Variants in DCUN1D1 observed in about 807,000 individuals in gnomAD.
DCUN1D1 encodes the protein defective in cullin neddylation 1 domain containing 1, also known as DCN1-like protein 1.
A neutral mutation model predicts 39.0 loss-of-function variants in DCUN1D1; 3 were observed. That is an observed-to-expected ratio of 0.08 (90% CI 0.04 to 0.20). The LOEUF (loss-of-function observed/expected upper bound fraction) is 0.20. DCUN1D1 is among the 10% of genes least tolerant of loss of function. The pLI is 1.00. For synonymous variants in DCUN1D1, 82 were observed against 96.3 expected, an observed-to-expected ratio of 0.85 and a Z score of 0.87; for missense variants, 158 against 302.4, an observed-to-expected ratio of 0.52 and a Z score of 3.54.
chr3:182,985,833 G>A (rs1274149536), exon 1 of DCUN1D1: 2 of 152,190 alleles, frequency 1.3e-5, no homozygotes, highest in East Asian at 3.8e-4. Context: ...GAGCCAGTCT[G>A]TCACCTCAAG....
intron 4 of DCUN1D1, among the ~76,000 whole-genome samples, chr3:182,949,525 G>T (rs1217672864): frequency 6.6e-6 from 1 of 152,152 alleles, no homozygotes; most frequent in East Asian, 1.9e-4. Flanking sequence ...TTCAAGACCA[G>T]CCTGGGCAAC....
chr3:182,955,474 C>T, intron 4 of DCUN1D1: 1 of 535,358 alleles, frequency 1.9e-6, no homozygotes, highest in Non-Finnish European at 3.8e-6. Flanking sequence ...AAGAATCCTC[C>T]ACTGTCTTTT....
intron 4 of DCUN1D1, among the ~76,000 whole-genome samples, chr3:182,948,532 T>C (rs138218542): frequency 7.2e-5 from 11 of 152,272 alleles, no homozygotes; most frequent in Admixed American, 6.5e-4. Context: ...ACTACACTTA[T>C]CACATGACAG....
intron 2 of DCUN1D1, among the ~76,000 whole-genome samples, chr3:182,964,626 A>T (rs1727570779): frequency 6.6e-6 from 1 of 151,300 alleles, no homozygotes; most frequent in African/African-American, 2.4e-5. Flanking sequence ...ATGATTTACT[A>T]ACACCTTTCT....
intron 4 of DCUN1D1, among the ~76,000 whole-genome samples, chr3:182,953,449 TTTAGTCTC>T (rs1243086047): frequency 2.0e-5 from 3 of 152,162 alleles, no homozygotes; most frequent in Non-Finnish European, 4.4e-5. Flanking sequence ...CAGTATGAGT[TTTAGTCTC>T]TTAAACCCCT....
At chr3:182,974,305 A>G (rs1728098368) in intron 1 of DCUN1D1, among the ~76,000 whole-genome samples, 1 of 152,226 alleles carries the variant, frequency 6.6e-6, no homozygotes, top group African/African-American at 2.4e-5. Flanking sequence ...TATGATAAAT[A>G]AAAAATAACC....
Position 182,944,414 on chromosome 3 carries a change from C to T in DCUN1D1, c.*680G>A, listed in dbSNP as rs1231079517. The T allele has an allele frequency of 6.6e-6, 1 of 152,462 alleles. No individual in the cohort carries two copies. The highest frequency in any genetic ancestry group is 1.5e-5 in the Non-Finnish European group (1 of 68,034). The allele number at this position is 152,462 out of a possible 1,614,324, so 9.4% of individuals were successfully genotyped here. ...TGGGTAAGGTAAGCGCAGACTAGTT[C>T]TGTGGAACCTTTTGAAATCAAGAGT... On this transcript the variant is annotated 3_prime_UTR_variant, in exon 7 of 7. Transcript: ENST00000292782.
intron 4 of DCUN1D1, among the ~76,000 whole-genome samples, chr3:182,953,846 G>A (rs1351240794): frequency 2.0e-5 from 3 of 152,062 alleles, no homozygotes; most frequent in East Asian, 1.9e-4. Flanking sequence ...AAGTCCTTAC[G>A]GTAAAATGTA....
At chr3:182,978,964 A>G (rs773856254) in intron 1 of DCUN1D1, among the ~76,000 whole-genome samples, 1 of 152,232 alleles carries the variant, frequency 6.6e-6, no homozygotes, top group Non-Finnish European at 1.5e-5. Flanking sequence ...CATCCTGAAG[A>G]GCACACATTT....
At chr3:182,981,184 GAC>G (rs1034601031), upstream of DCUN1D1, among the ~76,000 whole-genome samples, 29 of 152,216 alleles carry the variant, frequency 1.9e-4, no homozygotes, top group African/African-American at 6.7e-4. Flanking sequence ...TCTACTGGGA[GAC>G]AGTTGGGGTA....
intron 4 of DCUN1D1, among the ~76,000 whole-genome samples, chr3:182,953,043 C>G (rs1156889628): frequency 6.6e-6 from 1 of 152,216 alleles, no homozygotes; most frequent in Admixed American, 6.5e-5. Context: ...TGCAGTTCCT[C>G]AAAGGTGGAA....
chr3:182,943,575 A>T lies in DCUN1D1; in HGVS notation c.*1519T>A, dbSNP rs1029923968. On this transcript the variant is annotated 3_prime_UTR_variant, in exon 7 of 7. Coordinates refer to ENST00000292782, the MANE Select transcript of DCUN1D1 (RefSeq NM_020640.4). ...TAAAATGTACTGCTATTCTAAGTAC[A>T]TTCCTTTGTTAATATCAACCCTAGA... The T allele has an allele frequency of 1.3e-5, 2 of 152,320 alleles. No individual in the cohort carries two copies. The highest frequency in any genetic ancestry group is 4.8e-5 in the African/African-American group (2 of 41,462). The allele number at this position is 152,320 out of a possible 1,614,324, so 9.4% of individuals were successfully genotyped here.
rs1421815328 is a variant in DCUN1D1, at chr3:182,944,115, G to C, written c.*979C>G. The C allele has an allele frequency of 2.6e-5, 4 of 152,354 alleles. No homozygotes were observed. The highest frequency in any genetic ancestry group is 2.6e-4 in the Admixed American group (4 of 15,252). 9.4% of individuals were successfully genotyped at this position (152,354 alleles called of 1,614,324 possible). On this transcript the variant is annotated 3_prime_UTR_variant, in exon 7 of 7. Transcript: ENST00000292782. ...CTGCAACTATCTTCTTATAAATTAAGAGAATTCCATTTGTGTTCCATAGTG... is the reference window on the plus strand; with the variant it reads ...CTGCAACTATCTTCTTATAAATTAACAGAATTCCATTTGTGTTCCATAGTG...
At chr3:182,950,534 T>G (rs1240231899) in intron 4 of DCUN1D1, among the ~76,000 whole-genome samples, 1 of 152,172 alleles carries the variant, frequency 6.6e-6, no homozygotes, top group African/African-American at 2.4e-5. Context: ...TTATTATTAT[T>G]TGAGACACGG....
intron 5 of DCUN1D1, 26 bp downstream of exon 5, chr3:182,947,524 G>A (rs991151584): frequency 3.7e-6 from 5 of 1,351,940 alleles, no homozygotes; most frequent in Non-Finnish European, 5.2e-6. Flanking sequence ...AGAAAACAGA[G>A]AGAAATGTAG....
intron 4 of DCUN1D1, chr3:182,956,395 T>TAAC (rs201531194): frequency 3.1e-4 from 66 of 212,554 alleles, no homozygotes; most frequent in South Asian, 1.7e-3. Flanking sequence ...TAACACAAAA[T>TAAC]AACAACAACA....
At chr3:182,984,549 C>T (rs1728664938), upstream of DCUN1D1, among the ~76,000 whole-genome samples, 1 of 151,776 alleles carries the variant, frequency 6.6e-6, no homozygotes, top group Admixed American at 6.6e-5. Context: ...AAGATGGAAA[C>T]ATCTAGCCAA....
At chr3:182,984,040 T>G (rs1728648128), upstream of DCUN1D1, among the ~76,000 whole-genome samples, 3 of 152,238 alleles carry the variant, frequency 2.0e-5, no homozygotes, top group South Asian at 6.2e-4. Context: ...TCTTTGAGTT[T>G]TCAGTGTCAA....
At chr3:182,960,850 A>G (rs1031254363) in intron 4 of DCUN1D1, among the ~76,000 whole-genome samples, 1 of 152,234 alleles carries the variant, frequency 6.6e-6, no homozygotes, top group African/African-American at 2.4e-5. Context: ...CTGGCATTCT[A>G]TGACTCAGAA....
Sources: gnomAD v4.1 joint callset for allele counts (sites outside exome capture counted in the v4.1 genomes callset) on GRCh38, gnomAD v4.1.1 for gene constraint, MANE v1.5 for transcripts, NCBI Gene and HGNC (gene_info 2026-07-23, HGNC 2026-07-21) for gene names.